Variants in PWWP2B observed in about 807,000 individuals in gnomAD.
PWWP2B encodes the protein PWWP domain containing 2B, also known as PWWP domain-containing protein 2B.
Under a neutral mutation model 15.5 loss-of-function variants are expected in PWWP2B, and 9 were observed. That is an observed-to-expected ratio of 0.58 (90% CI 0.35 to 1.02). The LOEUF is 1.02. Ranked by LOEUF, PWWP2B falls within the 50% of genes least tolerant of loss-of-function variation. The pLI is 0.02. For missense variants in PWWP2B, 864 were observed against 865.3 expected, an observed-to-expected ratio of 1.00 and a Z score of 0.02; for synonymous variants, 474 against 403.6, an observed-to-expected ratio of 1.17 and a Z score of -2.09.
At position 132,401,531 on chromosome 10, in the gene PWWP2B, C is replaced by T. The variant is rs527464964; in HGVS notation, c.126-3095C>T. On this transcript the variant is annotated intron_variant, in intron 1 of 2. Transcript: ENST00000305233. ...CTCCATCTTCCCACCTGCCAAGGCT[C>T]GGTGTTACCTGTGGGTCACAGCCAG... Among the ~76,000 whole-genome samples, 19 of 152,350 alleles carry T rather than the reference C, an allele frequency of 1.2e-4. No homozygotes were observed. In the South Asian group the frequency reaches 3.7e-3, roughly 30 times the overall value.
At chr10:132,415,593 C>A (rs2069839876) in intron 2 of PWWP2B, among the ~76,000 whole-genome samples, 3 of 144,986 alleles carry the variant, frequency 2.1e-5, no homozygotes, top group Non-Finnish European at 4.5e-5. Context: ...TCACACACAC[C>A]CACTCACATT....
Position 132,406,106 on chromosome 10 carries a change from A to G in PWWP2B, c.1606A>G (p.Thr536Ala). 6.2e-7 allele frequency: 1 copy of G among 1,613,846 alleles called. No individual in the cohort carries two copies. The highest frequency in any genetic ancestry group is 1.1e-5 in the South Asian group (1 of 91,090). The change falls in exon 2 of 3, where the codon ACG (threonine) becomes GCG (alanine). Residue 536 changes from threonine (T) to alanine (A), a missense_variant. Around this residue, in one of 2 missense-constraint regions of PWWP2B, gnomAD observed 128 missense variants for 177.6 expected, o/e 0.72. Transcript: ENST00000305233. ...AKVSWFGSPTTSFLSISKLSP... is the reference protein window; with the variant it reads ...AKVSWFGSPTASFLSISKLSP... ...GGTCTCGTGGTTTGGTTCTCCGACT[A>G]CGTCGTTCTTGTCTATTTCAAAACT...
intron 2 of PWWP2B, among the ~76,000 whole-genome samples, chr10:132,415,084 T>C (rs2069827207): frequency 6.6e-6 from 1 of 152,234 alleles, no homozygotes; most frequent in African/African-American, 2.4e-5. Context: ...TTCGTATTTC[T>C]AGACGATGTA....
In PWWP2B at chr10:132,405,358, G is replaced by C. The variant is rs202040797; in HGVS notation, c.858G>C (p.Pro286=). Residue 286 remains proline (P), a synonymous_variant, in exon 2 of 3, where the codon CCG becomes CCC. Coordinates refer to ENST00000305233, the MANE Select transcript of PWWP2B (RefSeq NM_138499.4). ...SLEPFRPQQA[P]QDDGSQDPEV... ...AGCCCTTCCGTCCCCAGCAGGCCCC[G>C]CAGGACGACGGCAGCCAGGACCCCG... The C allele has an allele frequency of 3.1e-6, 5 of 1,611,170 alleles. No individual in the cohort carries two copies. The highest frequency in any genetic ancestry group is 3.4e-6 in the Non-Finnish European group (4 of 1,179,092).
rs527826253 is a variant in PWWP2B at position 132,402,436 on chromosome 10, G to T, written c.126-2190G>T. 6.6e-5 allele frequency among the ~76,000 whole-genome samples: 10 copies of T among 152,350 alleles called. No individual in the cohort carries two copies. The East Asian group carries it at 1.9e-3, about 29-fold the overall frequency. ...CCCTTTCATTGGGTCCTATGGAGGG[G>T]TTCCTGGCTCCCCCAACAGCAAGGG... On this transcript the variant is annotated intron_variant, in intron 1 of 2. Coordinates refer to ENST00000305233, the MANE Select transcript of PWWP2B (RefSeq NM_138499.4).
chr10:132,406,311 T>TCCTTCCCCCCAGCGGC (rs1199566355), intron 2 of PWWP2B, 22 bp downstream of exon 2: 1 of 1,569,408 alleles, frequency 6.4e-7, no homozygotes, highest in East Asian at 2.3e-5. Flanking sequence ...AGCGGCAGCC[T>TCCTTCCCCCCAGCGGC]CCTTCCCCCC....
At position 132,397,369 on chromosome 10, in the gene PWWP2B, C is replaced by T; in HGVS notation, c.125+18C>T. ...ACGAAAAAGTGAGCGGGGGCGCGGG[C>T]CGGGACACCCCCGGGGTCCCCACGC... On this transcript the variant is annotated intron_variant, in intron 1 of 2. Coordinates refer to ENST00000305233, the MANE Select transcript of PWWP2B (RefSeq NM_138499.4). The T allele has an allele frequency of 7.9e-7, 1 of 1,271,658 alleles. No homozygotes were observed. The highest frequency in any genetic ancestry group is 1.0e-6 in the Non-Finnish European group (1 of 998,776). 78.8% of individuals were successfully genotyped at this position (1,271,658 alleles called of 1,614,324 possible).
At chr10:132,407,386 G>A (rs1003340550) in intron 2 of PWWP2B, among the ~76,000 whole-genome samples, 7 of 152,162 alleles carry the variant, frequency 4.6e-5, no homozygotes, top group Non-Finnish European at 7.4e-5. Flanking sequence ...GCAGGGCTCC[G>A]CCTAGGCCTT....
At chr10:132,401,975 G>C (rs537709884) in intron 1 of PWWP2B, among the ~76,000 whole-genome samples, 1 of 152,252 alleles carries the variant, frequency 6.6e-6, no homozygotes, top group East Asian at 1.9e-4. Flanking sequence ...GCGCTGGGGT[G>C]CGGCCTGGGC....
In PWWP2B at chr10:132,404,954, C is replaced by T. The variant is rs1489286745; in HGVS notation, c.454C>T (p.Arg152Trp). Residue 152 changes from arginine (R) to tryptophan (W), a missense_variant, in exon 2 of 3, where the codon CGG (arginine) becomes TGG (tryptophan). Arg to Trp is a moderately radical substitution (Grantham distance 101, BLOSUM62 -3). Around this residue, in one of 2 missense-constraint regions of PWWP2B, gnomAD observed 736 missense variants for 687.7 expected, o/e 1.07. Transcript: ENST00000305233. ...GCCGCCCAGGACCATCAAGCGCACG[C>T]GGCGGCGTCTGTCCCGCAACCGCGA... ...QPPPRTIKRT[R>W]RRLSRNRDPG... 2 of 1,591,872 alleles carry T rather than the reference C, an allele frequency of 1.3e-6. No homozygotes were observed. The highest frequency in any genetic ancestry group is 1.7e-6 in the Non-Finnish European group (2 of 1,176,512).
Position 132,405,276 on chromosome 10 carries a change from C to T in PWWP2B, c.776C>T (p.Thr259Met). The change falls in exon 2 of 3, where the codon ACG (threonine) becomes ATG (methionine). Residue 259 changes from threonine (T) to methionine (M), a missense_variant. Physicochemically the swap from Thr to Met is moderately conservative, Grantham distance 81. Transcript: ENST00000305233. ...CCGGTCATCAAGATCTCCTACAGCA[C>T]GCCCCAGGGCAAGGGAGAGGTGGTC... Reference protein sequence around the residue: ...RSPVIKISYSTPQGKGEVVKI... With the variant: ...RSPVIKISYSMPQGKGEVVKI... 6.2e-7 allele frequency: 1 copy of T among 1,611,774 alleles called. No homozygotes were observed. Among genetic ancestry groups the T allele is most frequent in the Non-Finnish European group, 8.5e-7 (1 of 1,179,624 alleles).
chr10:132,414,923 G>A (rs1402935437), intron 2 of PWWP2B, among the ~76,000 whole-genome samples: 1 of 152,150 alleles, frequency 6.6e-6, no homozygotes, highest in African/African-American at 2.4e-5. Context: ...GTGTCAGCGG[G>A]GCCTCCGAGA....
At chr10:132,400,580 C>T (rs551977093) in intron 1 of PWWP2B, among the ~76,000 whole-genome samples, 1 of 152,304 alleles carries the variant, frequency 6.6e-6, no homozygotes, top group Admixed American at 6.5e-5. Context: ...TTTTCCCTAA[C>T]CCCTGAGAGA....
chr10:132,401,488 CA>C (rs1445671950), intron 1 of PWWP2B, among the ~76,000 whole-genome samples: 1 of 151,772 alleles, frequency 6.6e-6, no homozygotes, highest in African/African-American at 2.4e-5. Context: ...CCAGCAGGCC[CA>C]TCTAGCTCCA....
In PWWP2B at chr10:132,405,974, GA is replaced by G. The variant is rs754745666; in HGVS notation, c.1475del (p.Asp492AlafsTer62). 6.2e-7 allele frequency: 1 copy of G among 1,613,562 alleles called. No individual in the cohort carries two copies. The highest frequency in any genetic ancestry group is 8.5e-7 in the Non-Finnish European group (1 of 1,180,020). Reference protein sequence around the residue: ...TEDGRTVAVGDIVWGKIHGFP... With the variant: ...TEDGRTVAVGXIVWGKIHGFP... ...GGACGGCAGGACTGTGGCCGTGGGG[GA>G]CATCGTCTGGGGTAAGATCCATGGT... On this transcript the variant is annotated frameshift_variant, in exon 2 of 3. Transcript: ENST00000305233. LOFTEE classifies it low-confidence loss of function (END_TRUNC).
chr10:132,407,636 C>A (rs985173749), intron 2 of PWWP2B, among the ~76,000 whole-genome samples: 6 of 152,212 alleles, frequency 3.9e-5, no homozygotes, highest in African/African-American at 1.2e-4. Flanking sequence ...GGCCTCACCC[C>A]CTCCCTCCAG....
intron 1 of PWWP2B, among the ~76,000 whole-genome samples, chr10:132,399,598 C>T (rs142007924): frequency 3.9e-5 from 6 of 152,400 alleles, no homozygotes; most frequent in Non-Finnish European, 7.3e-5. Context: ...GAGTGTCAGC[C>T]TGCGTGTACA....
intron 2 of PWWP2B, among the ~76,000 whole-genome samples, chr10:132,409,508 G>A (rs568742336): frequency 2.6e-4 from 39 of 152,270 alleles, no homozygotes; most frequent in Non-Finnish European, 3.4e-4. Flanking sequence ...CACCGCCTGG[G>A]CCCACCGAGC....
chr10:132,405,574 C>G lies in PWWP2B; in HGVS notation c.1074C>G (p.Asn358Lys), dbSNP rs752984735. ...VYRAELVGEL[N>K]GYLRDSSPAP... The stretch of plus-strand genomic sequence containing the variant: ...GGGCCGAGCTGGTGGGGGAGCTGAA[C>G]GGGTACCTGCGGGACAGCTCGCCGG... Residue 358 changes from asparagine (N) to lysine (K), a missense_variant, in exon 2 of 3, where the codon AAC becomes AAG. Transcript: ENST00000305233. 51 of 1,608,134 alleles carry G rather than the reference C, an allele frequency of 3.2e-5. No homozygotes were observed. The highest frequency in any genetic ancestry group is 4.2e-5 in the Non-Finnish European group (50 of 1,179,306).
Sources: allele counts gnomAD v4.1 joint callset (sites outside exome capture counted in the v4.1 genomes callset), GRCh38; gene constraint gnomAD v4.1.1; regional missense constraint gnomAD v4.1.1; transcripts MANE v1.5; gene names NCBI Gene and HGNC (gene_info 2026-07-23, HGNC 2026-07-21).